Variants in MACROD2 observed in about 807,000 individuals in gnomAD.
MACROD2 encodes ADP-ribose glycohydrolase MACROD2.
A neutral mutation model predicts 70.4 loss-of-function variants in MACROD2; 36 were observed. The ratio of observed to expected loss-of-function variants is 0.51; its 90% CI spans 0.39 to 0.68. MACROD2 has a LOEUF of 0.68. Among genes scored for constraint, MACROD2 ranks in the 30% least tolerant of loss-of-function variants. The pLI is 0.00. For missense variants in MACROD2, 496 were observed against 538.4 expected (o/e 0.92, Z 0.78); for synonymous variants, 172 against 178.8 (o/e 0.96, Z 0.30).
intron 5 of MACROD2, among the ~76,000 whole-genome samples, chr20:15,221,211 T>C (rs1375273266): frequency 2.6e-5 from 4 of 152,208 alleles, no homozygotes. Flanking sequence ...TGCAAGTTGC[T>C]GACATCTCTT....
rs148052153 is a variant in MACROD2, at chr20:14,031,432, A to G, written c.163+29028A>G. 1.9e-3 allele frequency among the ~76,000 whole-genome samples: 294 copies of G among 152,260 alleles called. 1 individual carries two copies. The highest frequency in any genetic ancestry group is 6.7e-3 in the African/African-American group (279 of 41,570). ...AATGTTAGCAACTTGAGACTCAGTA[A>G]TTGTTTCTTAAAATGGATTCTAATT... On this transcript the variant is annotated intron_variant, in intron 2 of 17. Transcript: ENST00000684519.
chr20:15,862,779 T>C lies in MACROD2; in HGVS notation c.680T>C (p.Val227Ala), dbSNP rs546722690. 3.7e-6 allele frequency: 6 copies of C among 1,613,202 alleles called. No homozygotes were observed. The highest frequency in any genetic ancestry group is 2.2e-5 in the East Asian group (1 of 44,828). The change falls in exon 9 of 18, where the codon GTT becomes GCT. Residue 227 changes from valine (V) to alanine (A), a missense_variant. Coordinates refer to ENST00000684519, the MANE Select transcript of MACROD2 (RefSeq NM_001351661.2). Reference protein sequence around the residue: ...DRIIFCVFLEVDFKIYKKKMN... With the variant: ...DRIIFCVFLEADFKIYKKKMN... ...ATCATTTTCTGTGTCTTCTTAGAAG[T>C]TGACTTCAAAATCTACAAAAAGAAA... is the stretch of plus-strand genomic sequence containing the variant.
intron 3 of MACROD2, among the ~76,000 whole-genome samples, chr20:14,305,020 C>A (rs111742091): frequency 3.3e-5 from 5 of 152,234 alleles, no homozygotes; most frequent in African/African-American, 1.2e-4. Context: ...TGATGCTCGG[C>A]CCCACTCCAG....
intron 10 of MACROD2, among the ~76,000 whole-genome samples, chr20:15,891,938 G>T (rs768493770): frequency 1.8e-4 from 27 of 152,172 alleles, no homozygotes; most frequent in Non-Finnish European, 2.9e-4. Context: ...AAGGGACAAT[G>T]GGAAGGAGGT....
At chr20:14,585,134 G>T (rs954231088) in intron 4 of MACROD2, among the ~76,000 whole-genome samples, 2 of 152,136 alleles carry the variant, frequency 1.3e-5, no homozygotes, top group Admixed American at 6.6e-5. Flanking sequence ...CTGGGGTAAG[G>T]GAACAATAGC....
At chr20:15,427,269 G>T (rs1600396497) in intron 6 of MACROD2, among the ~76,000 whole-genome samples, 1 of 152,154 alleles carries the variant, frequency 6.6e-6, no homozygotes, top group African/African-American at 2.4e-5. Context: ...ATTTGTCCTT[G>T]TTAAAACAGA....
intron 4 of MACROD2, among the ~76,000 whole-genome samples, chr20:14,520,551 A>G (rs1023397954): frequency 1.3e-5 from 2 of 150,186 alleles, no homozygotes; most frequent in South Asian, 4.2e-4. Flanking sequence ...ACTTTTATTG[A>G]TCAGAATTGG....
intron 3 of MACROD2, among the ~76,000 whole-genome samples, chr20:14,273,461 A>G (rs1196882456): frequency 6.7e-6 from 1 of 149,242 alleles, no homozygotes; most frequent in Non-Finnish European, 1.5e-5. Flanking sequence ...ACAAAGACAC[A>G]ACATACCAGA....
Position 14,439,076 on chromosome 20 carries a change from T to C in MACROD2, c.272-54403T>C, listed in dbSNP as rs572641061. Among the ~76,000 whole-genome samples the C allele has an allele frequency of 8.5e-5, 13 of 152,214 alleles. No individual in the cohort carries two copies. In the South Asian group the frequency reaches 2.7e-3, roughly 32 times the overall value. On this transcript the variant is annotated intron_variant, in intron 3 of 17. Transcript: ENST00000684519. ...CTTTTATTTGTTTTGATTTGATTTT[T>C]GTACATGATGTAAGATAAGAGTCAA...
rs1378408899 is a variant in MACROD2, at chr20:16,041,204, C to T, written c.1157C>T (p.Pro386Leu). 1.2e-6 allele frequency: 2 copies of T among 1,611,140 alleles called. No homozygotes were observed. The highest frequency in any genetic ancestry group is 2.2e-5 in the East Asian group (1 of 44,706). Residue 386 changes from proline (P) to leucine (L), a missense_variant, in exon 16 of 18, where the codon CCA (proline) becomes CTA (leucine). Coordinates refer to ENST00000684519, the MANE Select transcript of MACROD2 (RefSeq NM_001351661.2). The part of the protein sequence containing the change: ...DQEEKEGEKA[P>L]GEDTPRMPGK... ...CTGTGGTCTTTTTCTCTTCCAGCTC[C>T]AGGCGAGGACACACCTAGGATGCCT... is the stretch of plus-strand genomic sequence containing the variant.
chr20:14,346,616 G>A (rs927854755), intron 3 of MACROD2, among the ~76,000 whole-genome samples: 10 of 152,056 alleles, frequency 6.6e-5, no homozygotes, highest in Non-Finnish European at 1.0e-4. Flanking sequence ...TCTTTGTTTT[G>A]TTTAGATTGA....
chr20:14,840,794 A>G (rs1440573420), intron 5 of MACROD2, among the ~76,000 whole-genome samples: 4 of 152,084 alleles, frequency 2.6e-5, no homozygotes, highest in African/African-American at 9.7e-5. Context: ...CTTATCTGAA[A>G]GCTCATCACA....
chr20:14,647,106 CTAGT>C (rs1985436533), intron 4 of MACROD2, among the ~76,000 whole-genome samples: 1 of 152,200 alleles, frequency 6.6e-6, no homozygotes, highest in South Asian at 2.1e-4. Flanking sequence ...TGAGAAAATC[CTAGT>C]TAAACTATTC....
chr20:15,537,744 G>T (rs1325964095), intron 8 of MACROD2, among the ~76,000 whole-genome samples: 2 of 152,070 alleles, frequency 1.3e-5, no homozygotes, highest in Non-Finnish European at 2.9e-5. Flanking sequence ...AAAGTGCTGG[G>T]ATTACAGGCA....
chr20:14,453,371 C>T (rs550415880), intron 3 of MACROD2, among the ~76,000 whole-genome samples: 1 of 152,262 alleles, frequency 6.6e-6, no homozygotes, highest in African/African-American at 2.4e-5. Context: ...CCCACAGCTT[C>T]AGACTGTTTG....
At chr20:14,532,710 A>G (rs1304347764) in intron 4 of MACROD2, among the ~76,000 whole-genome samples, 4 of 152,164 alleles carry the variant, frequency 2.6e-5, no homozygotes, top group African/African-American at 9.7e-5. Context: ...TTGTTCAAAT[A>G]TACGCTACTG....
At chr20:14,478,453 C>G (rs1235328912) in intron 3 of MACROD2, among the ~76,000 whole-genome samples, 1 of 152,198 alleles carries the variant, frequency 6.6e-6, no homozygotes, top group Non-Finnish European at 1.5e-5. Context: ...TTCTCTCTGG[C>G]TGCTTTCAAG....
chr20:15,894,203 C>T (rs866589813), intron 10 of MACROD2, among the ~76,000 whole-genome samples: 1 of 152,174 alleles, frequency 6.6e-6, no homozygotes, highest in Non-Finnish European at 1.5e-5. Flanking sequence ...TGTTGAGTGC[C>T]GGGGCTTCCG....
intron 4 of MACROD2, among the ~76,000 whole-genome samples, chr20:14,525,654 G>T (rs1600341082): frequency 6.6e-6 from 1 of 152,210 alleles, no homozygotes. Flanking sequence ...CCACGCTGGT[G>T]TGTCTATTTT....
Sources: gnomAD v4.1 joint callset for allele counts (sites outside exome capture counted in the v4.1 genomes callset) on GRCh38, gnomAD v4.1.1 for gene constraint, MANE v1.5 for transcripts, NCBI Gene and HGNC (gene_info 2026-07-23, HGNC 2026-07-21) for gene names.